The following RANBP17 variants were observed in gnomAD, a reference collection of about 807,000 sequenced individuals.
RANBP17 encodes the protein ran-binding protein 17.
In RANBP17, 158 loss-of-function variants were observed where a neutral mutation model predicts 141.2. The observed-to-expected ratio is 1.12, with a 90% CI of 0.98 to 1.28. The LOEUF (loss-of-function observed/expected upper bound fraction) is 1.28. Ranked by LOEUF, RANBP17 falls within the 50% of genes most tolerant of loss-of-function variation. The pLI, the probability that RANBP17 is intolerant of heterozygous loss-of-function variation, is 0.00. For synonymous variants in RANBP17, 430 were observed against 450.0 expected, an observed-to-expected ratio of 0.96 and a Z score of 0.56; for missense variants, 1,438 against 1,290.7, an observed-to-expected ratio of 1.11 and a Z score of -1.75.
At chr5:171,192,425 G>C (rs1045604689) in intron 18 of RANBP17, among the ~76,000 whole-genome samples, 1 of 152,160 alleles carries the variant, frequency 6.6e-6, no homozygotes, top group Non-Finnish European at 1.5e-5. Context: ...TCATGGATGA[G>C]ACTTTTAGGG....
chr5:171,212,113 G>A (rs569976112), intron 20 of RANBP17, among the ~76,000 whole-genome samples: 13 of 152,292 alleles, frequency 8.5e-5, no homozygotes, highest in Admixed American at 2.6e-4. Flanking sequence ...ATTAGGGAGA[G>A]GTAGGAGGCA....
chr5:170,978,940 A>G (rs552371405), intron 14 of RANBP17, among the ~76,000 whole-genome samples: 5 of 152,166 alleles, frequency 3.3e-5, no homozygotes, highest in Non-Finnish European at 7.4e-5. Context: ...GAATGGATGA[A>G]TTACGGTATT....
At chr5:171,069,776 T>C (rs780207128) in intron 14 of RANBP17, among the ~76,000 whole-genome samples, 2 of 152,112 alleles carry the variant, frequency 1.3e-5, no homozygotes, top group African/African-American at 4.8e-5. Context: ...CATGATGGGT[T>C]TGTCAGGATG....
chr5:171,093,232 C>T (rs1581618790), intron 14 of RANBP17, among the ~76,000 whole-genome samples: 2 of 149,646 alleles, frequency 1.3e-5, no homozygotes, highest in African/African-American at 2.5e-5. Context: ...AAAAAATAGA[C>T]ATTTTTATAC....
At chr5:171,295,841 G>T in intron 26 of RANBP17, 46 bp from the exon 27 acceptor site, 5 of 1,599,676 alleles carry the variant, frequency 3.1e-6, no homozygotes, top group Non-Finnish European at 3.4e-6. Context: ...CTGTCTTCAG[G>T]CGGGACTTGG....
chr5:171,103,417 A>G (rs1787316363), intron 14 of RANBP17, among the ~76,000 whole-genome samples: 1 of 152,010 alleles, frequency 6.6e-6, no homozygotes, highest in Admixed American at 6.5e-5. Context: ...AAAACTGCCT[A>G]CTCAAGCCTT....
intron 1 of RANBP17, chr5:170,867,211 A>G (rs1767335527): frequency 6.6e-6 from 1 of 152,188 alleles, no homozygotes; most frequent in Non-Finnish European, 1.5e-5. Flanking sequence ...CAATTTGGGC[A>G]GGTTGGGGGA....
chr5:171,171,390 A>T, intron 16 of RANBP17, 104 bp downstream of exon 16: 1 of 625,460 alleles, frequency 1.6e-6, no homozygotes, highest in Non-Finnish European at 2.7e-6. Flanking sequence ...ATTTTTTAAA[A>T]AAATAAAAAG....
chr5:171,082,813 G>C (rs887257544), intron 14 of RANBP17, among the ~76,000 whole-genome samples: 1 of 151,304 alleles, frequency 6.6e-6, no homozygotes, highest in African/African-American at 2.4e-5. Context: ...ACAAGTTTTT[G>C]TAACCTGGAT....
chr5:171,061,406 C>G lies in RANBP17; in HGVS notation c.1710+93029C>G, dbSNP rs535141481. 6.6e-3 allele frequency among the ~76,000 whole-genome samples: 1,002 copies of G among 152,012 alleles called. 7 individuals carry two copies. The highest frequency in any genetic ancestry group is 0.023 in the African/African-American group (943 of 41,468). ...CAAAGAACATCTTTATTTCTGCCTT[C>G]ATTTCGTTATGTACCCAGTAGTCAT... On this transcript the variant is annotated intron_variant, in intron 14 of 27. Transcript: ENST00000523189.
chr5:171,185,089 G>A (rs1472874245), intron 18 of RANBP17, among the ~76,000 whole-genome samples: 1 of 152,158 alleles, frequency 6.6e-6, no homozygotes, highest in East Asian at 1.9e-4. Context: ...CTTGAACCCA[G>A]GAGGTAGAGG....
chr5:171,010,831 CAG>C (rs1284426034), intron 14 of RANBP17, among the ~76,000 whole-genome samples: 3 of 151,980 alleles, frequency 2.0e-5, no homozygotes, highest in Non-Finnish European at 4.4e-5. Context: ...CTTTTAAAAA[CAG>C]AACTTATCAA....
chr5:171,218,633 T>C (rs1033521798), intron 21 of RANBP17, among the ~76,000 whole-genome samples: 2 of 152,240 alleles, frequency 1.3e-5, no homozygotes, highest in African/African-American at 2.4e-5. Flanking sequence ...TCACGTTGCA[T>C]TGATCCCTTT....
chr5:171,287,547 C>G (rs955527233), intron 25 of RANBP17, among the ~76,000 whole-genome samples: 1 of 150,458 alleles, frequency 6.6e-6, no homozygotes, highest in Non-Finnish European at 1.5e-5. Context: ...GGTGCATACC[C>G]TATTGGGCAC....
chr5:170,885,332 C>T (rs771691177), intron 3 of RANBP17, among the ~76,000 whole-genome samples: 8 of 152,166 alleles, frequency 5.3e-5, no homozygotes, highest in Non-Finnish European at 1.0e-4. Context: ...TCAGAATTCT[C>T]ATTTTGGGGT....
intron 19 of RANBP17, among the ~76,000 whole-genome samples, chr5:171,203,587 AT>A (rs758234090): frequency 2.0e-5 from 3 of 152,016 alleles, no homozygotes; most frequent in Non-Finnish European, 4.4e-5. Flanking sequence ...TCATAGCCAC[AT>A]TTTGCCACTT....
rs770980423 is a variant in RANBP17, at chr5:170,968,457, G to A, written c.1710+80G>A. On this transcript the variant is annotated intron_variant, in intron 14 of 27. Transcript: ENST00000523189. ...CATATATAACTGAATGATATATTTG[G>A]GAAATTTCTACATAAGACGTGTAAT... 5 of 1,311,692 alleles carry A rather than the reference G, an allele frequency of 3.8e-6. No homozygotes were observed. In the African/African-American group the frequency reaches 7.3e-5, roughly 19 times the overall value. 81.3% of individuals were successfully genotyped at this position (1,311,692 alleles called of 1,614,324 possible).
chr5:171,089,214 T>A (rs975127044), intron 14 of RANBP17, among the ~76,000 whole-genome samples: 6 of 131,282 alleles, frequency 4.6e-5, no homozygotes, highest in Admixed American at 1.6e-4. Context: ...TGGAATACCC[T>A]GCAGTGTGAG....
At chr5:171,130,603 A>G (rs994270938) in intron 14 of RANBP17, among the ~76,000 whole-genome samples, 3 of 151,562 alleles carry the variant, frequency 2.0e-5, no homozygotes, top group Admixed American at 2.0e-4. Flanking sequence ...TGCCTGGCTA[A>G]TTTTGTATTT....
Sources: allele counts gnomAD v4.1 joint callset (sites outside exome capture counted in the v4.1 genomes callset), GRCh38; gene constraint gnomAD v4.1.1; transcripts MANE v1.5; gene names NCBI Gene and HGNC (gene_info 2026-07-23, HGNC 2026-07-21).